The following SHISA9 variants were observed in gnomAD, a reference collection of about 807,000 sequenced individuals.
The protein encoded by SHISA9 is shisa family member 9.
Under a neutral mutation model 38.0 loss-of-function variants are expected in SHISA9, and 13 were observed. That is an observed-to-expected ratio of 0.34 (90% confidence interval 0.22 to 0.54). SHISA9 has a LOEUF of 0.54. Ranked by LOEUF, SHISA9 falls within the 20% of genes least tolerant of loss-of-function variation. The pLI is 0.91. For missense variants in SHISA9, 538 were observed against 575.8 expected, an observed-to-expected ratio of 0.93 and a Z score of 0.67; for synonymous variants, 275 against 242.0, an observed-to-expected ratio of 1.14 and a Z score of -1.27.
At chr16:12,995,952 G>C in intron 2 of SHISA9, among the ~76,000 whole-genome samples, 1 of 152,158 alleles carries the variant, frequency 6.6e-6, no homozygotes, top group Non-Finnish European at 1.5e-5. Flanking sequence ...GTTGTGGTTT[G>C]TGCCCATGTC....
chr16:12,956,309 G>A (rs2071834401), intron 2 of SHISA9, among the ~76,000 whole-genome samples: 1 of 152,164 alleles, frequency 6.6e-6, no homozygotes, highest in Admixed American at 6.5e-5. Context: ...ACCCTTATGA[G>A]AAACAGTATA....
chr16:13,206,443 C>G (rs1391729618), intron 3 of SHISA9, among the ~76,000 whole-genome samples: 1 of 152,196 alleles, frequency 6.6e-6, no homozygotes, highest in Non-Finnish European at 1.5e-5. Flanking sequence ...ACCCAAAGCA[C>G]TGACACAACC....
chr16:13,382,325 C>G, the SHISA9 span, among the ~76,000 whole-genome samples: 5 of 149,994 alleles, frequency 3.3e-5, no homozygotes, highest in Non-Finnish European at 5.9e-5. Flanking sequence ...GACAGGAGTT[C>G]GAGACCAGCC....
chr16:13,459,007 C>G, the SHISA9 span, among the ~76,000 whole-genome samples: 1 of 151,900 alleles, frequency 6.6e-6, no homozygotes, highest in Non-Finnish European at 1.5e-5. Flanking sequence ...CATGCACCAC[C>G]ACGCCTGGCT....
chr16:13,121,741 G>T (rs1439844244), intron 2 of SHISA9, among the ~76,000 whole-genome samples: 1 of 151,714 alleles, frequency 6.6e-6, no homozygotes, highest in African/African-American at 2.4e-5. Context: ...CAATTTCAAA[G>T]CTTCATTTTG....
At chr16:13,536,672 A>G in the SHISA9 span, among the ~76,000 whole-genome samples, 2 of 152,250 alleles carry the variant, frequency 1.3e-5, no homozygotes, top group Non-Finnish European at 2.9e-5. Context: ...ACAAAAATGT[A>G]CAAAGACAGT....
chr16:12,925,173 A>G (rs1363214184), intron 2 of SHISA9, among the ~76,000 whole-genome samples: 1 of 150,002 alleles, frequency 6.7e-6, no homozygotes, highest in African/African-American at 2.5e-5. Context: ...TGTGCATGGG[A>G]GTGTTTGTTA....
the SHISA9 span, among the ~76,000 whole-genome samples, chr16:13,506,380 A>G: frequency 6.6e-6 from 1 of 152,188 alleles, no homozygotes; most frequent in Admixed American, 6.5e-5. Context: ...GACAACAACA[A>G]TAAGGATGAT....
intron 2 of SHISA9, among the ~76,000 whole-genome samples, chr16:13,106,776 G>GA (rs1264486263): frequency 6.6e-6 from 1 of 152,158 alleles, no homozygotes; most frequent in Non-Finnish European, 1.5e-5. Context: ...ATCCTTCTGA[G>GA]ATGATAAGTA....
intron 2 of SHISA9, among the ~76,000 whole-genome samples, chr16:13,145,187 A>G (rs1182432007): frequency 6.6e-6 from 1 of 152,170 alleles, no homozygotes; most frequent in Admixed American, 6.5e-5. Context: ...AGCATAGTCC[A>G]TTTTTGAAAC....
At chr16:12,951,727 T>C (rs571805675) in intron 2 of SHISA9, among the ~76,000 whole-genome samples, 67 of 152,266 alleles carry the variant, frequency 4.4e-4, no homozygotes, top group Middle Eastern at 6.8e-3. Flanking sequence ...TAGAGAAGAA[T>C]TCTTTTTCCA....
the SHISA9 span, among the ~76,000 whole-genome samples, chr16:13,272,994 A>G: frequency 6.6e-6 from 1 of 151,790 alleles, no homozygotes; most frequent in Non-Finnish European, 1.5e-5. Context: ...TTTCTCTCTC[A>G]TTTCCTGAAC....
the SHISA9 span, among the ~76,000 whole-genome samples, chr16:13,532,548 C>T: frequency 2.5e-5 from 2 of 80,742 alleles, no homozygotes; most frequent in East Asian, 3.4e-4. Flanking sequence ...ATACTATGTG[C>T]GTGTGTGTAT....
At chr16:13,375,726 T>C in the SHISA9 span, among the ~76,000 whole-genome samples, 1 of 152,114 alleles carries the variant, frequency 6.6e-6, no homozygotes, top group South Asian at 2.1e-4. Context: ...GCCTAAGACT[T>C]GTACACTAAA....
intron 2 of SHISA9, among the ~76,000 whole-genome samples, chr16:13,143,256 C>G (rs2050418314): frequency 6.6e-6 from 1 of 152,058 alleles, no homozygotes; most frequent in South Asian, 2.1e-4. Context: ...GTGATCAACC[C>G]TCCTTGGCCT....
the SHISA9 span, among the ~76,000 whole-genome samples, chr16:13,525,985 T>G: frequency 2.0e-5 from 3 of 152,372 alleles, no homozygotes; most frequent in South Asian, 6.2e-4. Context: ...AGCAAGCATA[T>G]GTTTTCCTTC....
chr16:13,060,186 G>A (rs866797449), intron 2 of SHISA9, among the ~76,000 whole-genome samples: 4 of 152,054 alleles, frequency 2.6e-5, no homozygotes, highest in African/African-American at 4.8e-5. Flanking sequence ...AATGCGCCCC[G>A]ATGTGCCACA....
At chr16:13,476,588 T>C in the SHISA9 span, among the ~76,000 whole-genome samples, 1 of 152,106 alleles carries the variant, frequency 6.6e-6, no homozygotes, top group African/African-American at 2.4e-5. Flanking sequence ...AGTTCATACT[T>C]TGGCTTATGT....
chr16:13,233,037 C>T (rs1470127950), intron 4 of SHISA9, among the ~76,000 whole-genome samples: 4 of 151,960 alleles, frequency 2.6e-5, no homozygotes, highest in East Asian at 1.9e-4. Context: ...TTTCAAAGAA[C>T]GACAAAAAAA....
Sources: allele counts gnomAD v4.1 joint callset (sites outside exome capture counted in the v4.1 genomes callset), GRCh38; gene constraint gnomAD v4.1.1; transcripts MANE v1.5; gene names NCBI Gene and HGNC (gene_info 2026-07-23, HGNC 2026-07-21).